Variants in GRID2 observed in about 807,000 individuals in gnomAD.
GRID2 encodes the protein glutamate ionotropic receptor delta type subunit 2.
In GRID2, 33 loss-of-function variants were observed where a neutral mutation model predicts 114.8. The ratio of observed to expected loss-of-function variants is 0.29; its 90% CI spans 0.22 to 0.38. GRID2 has a LOEUF of 0.38. Ranked by LOEUF, GRID2 falls within the 10% of genes least tolerant of loss-of-function variation. The pLI is 1.00. For synonymous variants in GRID2, 505 were observed against 449.9 expected (o/e 1.12, Z -1.55); for missense variants, 1,184 against 1,257.7 (o/e 0.94, Z 0.89).
At chr4:93,747,419 C>A (rs1731934584) in intron 14 of GRID2, among the ~76,000 whole-genome samples, 1 of 152,092 alleles carries the variant, frequency 6.6e-6, no homozygotes, top group Non-Finnish European at 1.5e-5. Flanking sequence ...TAACAAATGC[C>A]AGTGTTCCCT....
rs571232155 is a variant in GRID2 at position 92,802,409 on chromosome 4, A to C, written c.244+212123A>C. 1.5e-4 allele frequency among the ~76,000 whole-genome samples: 23 copies of C among 151,962 alleles called. No homozygotes were observed. The South Asian group carries it at 4.8e-3, about 31-fold the overall frequency. On this transcript the variant is annotated intron_variant, in intron 2 of 15. Transcript: ENST00000282020. ...TATCCACCATTATAGTGTTATACGA[A>C]ATTGTTTCACTGCCCTAAAAATTCT...
At chr4:93,797,429 G>A (rs927559479) in intron 1 of GRID2, among the ~76,000 whole-genome samples, 2 of 152,178 alleles carry the variant, frequency 1.3e-5, no homozygotes, top group Non-Finnish European at 2.9e-5. Flanking sequence ...AGAAAAATGT[G>A]TCTGAATAGC....
At chr4:93,412,116 T>TA (rs555024310) in intron 9 of GRID2, among the ~76,000 whole-genome samples, 94 of 142,188 alleles carry the variant, frequency 6.6e-4, no homozygotes, top group Middle Eastern at 3.6e-3. Context: ...CAGATAGACT[T>TA]AAAAAAAAAA....
At chr4:92,414,467 G>A (rs1469430524) in intron 1 of GRID2, among the ~76,000 whole-genome samples, 1 of 152,068 alleles carries the variant, frequency 6.6e-6, no homozygotes, top group Non-Finnish European at 1.5e-5. Context: ...AAAAAGAGAA[G>A]CAATAGAGTT....
At chr4:92,597,949 C>T (rs1021178731) in intron 2 of GRID2, among the ~76,000 whole-genome samples, 3 of 152,102 alleles carry the variant, frequency 2.0e-5, no homozygotes, top group African/African-American at 7.2e-5. Flanking sequence ...TTATCAATAT[C>T]CAACTTTTAT....
At chr4:92,895,608 G>T (rs1198685822) in intron 2 of GRID2, among the ~76,000 whole-genome samples, 1 of 151,698 alleles carries the variant, frequency 6.6e-6, no homozygotes, top group Non-Finnish European at 1.5e-5. Flanking sequence ...GCTGTCTTCT[G>T]TGCTTAAAAA....
At chr4:92,540,906 A>G (rs370445917) in intron 1 of GRID2, among the ~76,000 whole-genome samples, 1 of 152,234 alleles carries the variant, frequency 6.6e-6, no homozygotes, top group Non-Finnish European at 1.5e-5. Flanking sequence ...ATGTCCAACA[A>G]TGATAGACTG....
rs114286787 is a variant in GRID2 at position 93,599,262 on chromosome 4, G to T, written c.2194-27007G>T. On this transcript the variant is annotated intron_variant, in intron 13 of 15. Transcript: ENST00000282020. ...TCCACTAGAGAATGCAAAAGAAGCA[G>T]ATCTGGAGAAGAGAAAAATTTTATA... Among the ~76,000 whole-genome samples the T allele has an allele frequency of 4.0e-3, 615 of 152,316 alleles. 2 individuals carry two copies. Among genetic ancestry groups the T allele is most frequent in the African/African-American group, 0.014 (597 of 41,582 alleles).
intron 8 of GRID2, among the ~76,000 whole-genome samples, chr4:93,310,895 T>C (rs988270354): frequency 9.9e-5 from 15 of 152,214 alleles, no homozygotes; most frequent in African/African-American, 2.7e-4. Flanking sequence ...TTTATAGGAT[T>C]ACAGTCTTAT....
intron 2 of GRID2, among the ~76,000 whole-genome samples, chr4:92,700,062 TGG>T (rs1241412294): frequency 6.6e-6 from 1 of 152,224 alleles, no homozygotes; most frequent in Admixed American, 6.5e-5. Context: ...CTGAGGTTTT[TGG>T]TGACTATCAG....
intron 2 of GRID2, among the ~76,000 whole-genome samples, chr4:93,049,889 T>C (rs1264290600): frequency 6.6e-6 from 1 of 152,068 alleles, no homozygotes; most frequent in Non-Finnish European, 1.5e-5. Context: ...ATTTATGCTC[T>C]GTTAATCACT....
rs535987097 is a variant in GRID2 at position 93,594,341 on chromosome 4, A to G, written c.2194-31928A>G. Among the ~76,000 whole-genome samples the G allele has an allele frequency of 8.0e-3, 1,224 of 152,138 alleles. 11 individuals are homozygous for G. The highest frequency in any genetic ancestry group is 0.025 in the African/African-American group (1,040 of 41,518). On this transcript the variant is annotated intron_variant, in intron 13 of 15. Transcript: ENST00000282020. ...TGAGGTGTCAGTGTGCCCCTGCTGGAGGGTGCCTCCCAGTTAGGCTGCTCG... is the reference window on the plus strand; with the variant it reads ...TGAGGTGTCAGTGTGCCCCTGCTGGGGGGTGCCTCCCAGTTAGGCTGCTCG...
At position 93,377,874 on chromosome 4, in the gene GRID2, T is replaced by G. The variant is rs148390308; in HGVS notation, c.1246-17733T>G. ...TTCTGGAAAAAAAAAATGAATCTTC[T>G]GATTGTGTAATAAAAGAATAAGAAT... On this transcript the variant is annotated intron_variant, in intron 8 of 15. Transcript: ENST00000282020. Among the ~76,000 whole-genome samples the G allele has an allele frequency of 5.1e-3, 776 of 152,268 alleles. 6 individuals are homozygous for G. The highest frequency in any genetic ancestry group is 0.018 in the African/African-American group (744 of 41,546).
intron 14 of GRID2, among the ~76,000 whole-genome samples, chr4:93,700,637 G>A (rs1281293855): frequency 1.3e-5 from 2 of 152,026 alleles, no homozygotes; most frequent in African/African-American, 4.8e-5. Context: ...CTCACTACAA[G>A]CTCTGTCCCC....
chr4:93,439,186 G>C (rs1463237835), intron 10 of GRID2, among the ~76,000 whole-genome samples: 3 of 152,014 alleles, frequency 2.0e-5, no homozygotes, highest in African/African-American at 7.2e-5. Context: ...ACAATCCTTT[G>C]GGTATATACC....
chr4:92,449,692 T>TACTG (rs1456972048), intron 1 of GRID2, among the ~76,000 whole-genome samples: 2 of 141,576 alleles, frequency 1.4e-5, no homozygotes, highest in South Asian at 4.4e-4. Context: ...TATATATATA[T>TACTG]ATATATATAT....
chr4:92,974,146 C>T (rs1483488369), intron 2 of GRID2, among the ~76,000 whole-genome samples: 1 of 152,206 alleles, frequency 6.6e-6, no homozygotes, highest in Non-Finnish European at 1.5e-5. Flanking sequence ...GATACCATCT[C>T]ACGCCAGTTA....
intron 4 of GRID2, among the ~76,000 whole-genome samples, chr4:93,176,349 A>G (rs1233705427): frequency 6.6e-6 from 1 of 152,212 alleles, no homozygotes; most frequent in Non-Finnish European, 1.5e-5. Flanking sequence ...AACATCCTAA[A>G]TCATAAATAG....
chr4:92,574,576 A>G (rs1426853602), intron 1 of GRID2, among the ~76,000 whole-genome samples: 1 of 151,836 alleles, frequency 6.6e-6, no homozygotes, highest in African/African-American at 2.4e-5. Context: ...CCTCTCCTTT[A>G]TTTTTGAAGC....
Sources: gnomAD v4.1 joint callset for allele counts (sites outside exome capture counted in the v4.1 genomes callset) on GRCh38, gnomAD v4.1.1 for gene constraint, MANE v1.5 for transcripts, NCBI Gene and HGNC (gene_info 2026-07-23, HGNC 2026-07-21) for gene names.